Variants in MAN2B2 observed in about 807,000 individuals in gnomAD.
MAN2B2 encodes epididymis-specific alpha-mannosidase.
In MAN2B2, 106 loss-of-function variants were observed where a neutral mutation model predicts 117.1. The observed-to-expected ratio is 0.90, with a 90% CI of 0.77 to 1.06. MAN2B2 has a LOEUF of 1.06. Ranked by LOEUF, MAN2B2 falls within the 50% of genes least tolerant of loss-of-function variation. MAN2B2 has a pLI of 0.00. For synonymous variants in MAN2B2, 544 were observed against 595.1 expected, an observed-to-expected ratio of 0.91 and a Z score of 1.25; for missense variants, 1,326 against 1,381.4, an observed-to-expected ratio of 0.96 and a Z score of 0.64.
At position 6,594,699 on chromosome 4, in the gene MAN2B2, C is replaced by T. The variant is rs781115808; in HGVS notation, c.1024C>T (p.Arg342Cys). Residue 342 changes from arginine to cysteine, a missense_variant, in exon 7 of 19, where the codon CGC (arginine) becomes TGC (cysteine). Arg to Cys is a radical substitution (Grantham distance 180). Transcript: ENST00000285599. ...LHALNVTWRV[R>C]DHHDFLPYST... Reference sequence around the variant, plus strand: ...CGCTCTCAATGTCACCTGGCGTGTCCGCGACCACCACGACTTCCTGCCCTA... The same window carrying T: ...CGCTCTCAATGTCACCTGGCGTGTCTGCGACCACCACGACTTCCTGCCCTA... 33 of 1,612,184 alleles carry T rather than the reference C, an allele frequency of 2.0e-5. No homozygotes were observed. Among genetic ancestry groups the T allele is most frequent in the African/African-American group, 1.1e-4 (8 of 74,852 alleles).
intron 8 of MAN2B2, 67 bp downstream of exon 8, chr4:6,597,370 T>G: frequency 7.0e-7 from 1 of 1,436,220 alleles, no homozygotes; most frequent in Non-Finnish European, 9.3e-7. Flanking sequence ...CCCTCCCTTG[T>G]CCTAGCCAAT....
At chr4:6,597,406 C>T in intron 8 of MAN2B2, 103 bp downstream of exon 8, 1 of 1,237,564 alleles carries the variant, frequency 8.1e-7, no homozygotes, top group African/African-American at 1.6e-5. Flanking sequence ...GCACTAGAGG[C>T]CCCACTTTAC....
chr4:6,590,884 C>T (rs1281174593), intron 5 of MAN2B2, among the ~76,000 whole-genome samples: 1 of 152,106 alleles, frequency 6.6e-6, no homozygotes, highest in African/African-American at 2.4e-5. Flanking sequence ...CGCAGTGGCT[C>T]ACACCTGTAA....
At chr4:6,587,256 A>T in intron 4 of MAN2B2, 88 bp downstream of exon 4, 1 of 1,476,384 alleles carries the variant, frequency 6.8e-7, no homozygotes, top group Non-Finnish European at 9.1e-7. Flanking sequence ...CTGCTGCTCT[A>T]TGCCGAAGTG....
Position 6,608,901 on chromosome 4 carries a change from T to C in MAN2B2, c.1815-206T>C, listed in dbSNP as rs540855586. Among the ~76,000 whole-genome samples the C allele has an allele frequency of 2.9e-4, 44 of 152,310 alleles. 1 individual carries two copies. In the South Asian group the frequency reaches 8.3e-3, roughly 29 times the overall value. ...CTGCAGGCTCTGTCCGTCTCCTCGT[T>C]TGTGACCCATTCTGGGACAGCATGG... is the stretch of plus-strand genomic sequence containing the variant. On this transcript the variant is annotated intron_variant, in intron 11 of 18. Transcript: ENST00000285599.
rs1398688576 is a variant in MAN2B2, at chr4:6,611,129, T to C, written c.2414T>C (p.Leu805Pro). The C allele has an allele frequency of 1.2e-6, 2 of 1,613,878 alleles. No individual in the cohort carries two copies. Among genetic ancestry groups the C allele is most frequent in the Admixed American group, 3.3e-5 (2 of 60,014 alleles). Residue 805 changes from leucine to proline, a missense_variant, in exon 15 of 19, where the codon CTG becomes CCG. Leu to Pro is a moderately conservative substitution (Grantham distance 98). Coordinates refer to ENST00000285599, the MANE Select transcript of MAN2B2 (RefSeq NM_015274.3). ...RRLWNNFDWDLGYNLTLNDTS... is the reference protein window; with the variant it reads ...RRLWNNFDWDPGYNLTLNDTS... ...CTGTGGAACAACTTCGACTGGGACC[T>C]GGGCTACAACCTCACGCTGAACGAC...
intron 3 of MAN2B2, among the ~76,000 whole-genome samples, chr4:6,585,260 C>T (rs972837525): frequency 1.3e-5 from 2 of 152,174 alleles, no homozygotes; most frequent in Non-Finnish European, 2.9e-5. Flanking sequence ...CATCCCAGGC[C>T]TCATCTGAGG....
At position 6,593,257 on chromosome 4, in the gene MAN2B2, C is replaced by G; in HGVS notation, c.765C>G (p.Thr255=). Residue 255 remains threonine (T), a synonymous_variant, in exon 6 of 19, where the codon ACC becomes ACG. Transcript: ENST00000285599. The stretch of plus-strand genomic sequence containing the variant: ...ACCCCAACATGAGTGAGCCTGTCAC[C>G]CCAGCCAACATCAACCTCTATGCCG... The part of the protein sequence containing the change: ...GVYPNMSEPV[T]PANINLYAEA... 1 of 1,614,044 alleles carries G rather than the reference C, an allele frequency of 6.2e-7. No individual in the cohort carries two copies. The highest frequency in any genetic ancestry group is 1.1e-5 in the South Asian group (1 of 91,068).
At chr4:6,604,952 C>G in intron 10 of MAN2B2, 103 bp from the exon 11 acceptor site, 1 of 1,364,064 alleles carries the variant, frequency 7.3e-7, no homozygotes. Context: ...TCGGCAGGAT[C>G]CGAGAGATGG....
Position 6,609,661 on chromosome 4 carries a change from C to T in MAN2B2, c.2007-137C>T, listed in dbSNP as rs1185927989. On this transcript the variant is annotated intron_variant, in intron 12 of 18. Coordinates refer to ENST00000285599, the MANE Select transcript of MAN2B2 (RefSeq NM_015274.3). ...CGGGGTCCTGGGTGGTGCTATTGTCCACATGGCCCAAGAAGGCTCCCTGCC... is the reference window on the plus strand; with the variant it reads ...CGGGGTCCTGGGTGGTGCTATTGTCTACATGGCCCAAGAAGGCTCCCTGCC... 4.5e-6 allele frequency: 5 copies of T among 1,119,536 alleles called. No homozygotes were observed. In the East Asian group the frequency reaches 9.4e-5, roughly 21 times the overall value. 69.4% of individuals were successfully genotyped at this position (1,119,536 alleles called of 1,614,324 possible).
intron 8 of MAN2B2, among the ~76,000 whole-genome samples, 179 bp from the exon 9 acceptor site, chr4:6,598,019 C>A (rs769321417): frequency 6.6e-6 from 1 of 152,192 alleles, no homozygotes; most frequent in South Asian, 2.1e-4. Flanking sequence ...AAAAGTTGGG[C>A]GAGCTCCTCA....
rs538560593 is a variant in MAN2B2 at position 6,622,778 on chromosome 4, T to C, written c.*1493T>C. The C allele has an allele frequency of 2.0e-5, 3 of 148,606 alleles. No homozygotes were observed. The highest frequency in any genetic ancestry group is 2.1e-4 in the South Asian group (1 of 4,836). 9.2% of individuals were successfully genotyped at this position (148,606 alleles called of 1,614,324 possible). A position where few individuals can be genotyped will look rare whatever the true frequency, so the allele number is the denominator to read the frequency against. On this transcript the variant is annotated 3_prime_UTR_variant, in exon 19 of 19. Transcript: ENST00000285599. ...TAAACTGTAAGATGTAGGAAATTAT[T>C]TGGTACTCTAGGGCTGAAGGAAAGT... is the stretch of plus-strand genomic sequence containing the variant.
In MAN2B2 at chr4:6,612,656, GTCAGGT is replaced by G. The variant is rs137984265; in HGVS notation, c.2563+1381_2563+1386del. Among the ~76,000 whole-genome samples, 1,222 of 152,356 alleles carry G rather than the reference GTCAGGT, an allele frequency of 8.0e-3. 18 individuals are homozygous for G. Among genetic ancestry groups the G allele is most frequent in the African/African-American group, 0.028 (1,145 of 41,586 alleles). ...GAGGAAATCTGATTGGCCTAGCAGG[GTCAGGT>G]TCTGCTCCCAGACCAGTCAGTGGTT... On this transcript the variant is annotated intron_variant, in intron 15 of 18. Transcript: ENST00000285599.
chr4:6,599,594 C>A (rs28634980), intron 9 of MAN2B2, among the ~76,000 whole-genome samples: 4,874 of 147,448 alleles, frequency 0.033, 263 homozygotes, highest in African/African-American at 0.11. Flanking sequence ...ACCCAGGAGG[C>A]GGAGCTTGCA....
Position 6,605,231 on chromosome 4 carries a change from C to T in MAN2B2, c.1716C>T (p.Arg572=), listed in dbSNP as rs778353967. ...AATTTGGCCGCAGGCTGAGGAGACGCACCAGCCATGCGGGCAGGTACTTGG... is the reference window on the plus strand; with the variant it reads ...AATTTGGCCGCAGGCTGAGGAGACGTACCAGCCATGCGGGCAGGTACTTGG... ...TLQFGRRLRR[R]TSHAGRYLVP... is the part of the protein sequence containing the mutation. Residue 572 remains arginine, a synonymous_variant, in exon 11 of 19, where the codon CGC becomes CGT. Transcript: ENST00000285599. The T allele has an allele frequency of 1.9e-6, 3 of 1,614,218 alleles. No homozygotes were observed. The highest frequency in any genetic ancestry group is 2.2e-5 in the East Asian group (1 of 44,888).
In MAN2B2 at chr4:6,604,398, G is replaced by A. The variant is rs1577288556; in HGVS notation, c.1540-657G>A. 2.6e-5 allele frequency among the ~76,000 whole-genome samples: 4 copies of A among 151,702 alleles called. No homozygotes were observed. In the East Asian group the frequency reaches 7.8e-4, roughly 30 times the overall value. ...TGACCAGGCAGAGGCCACAGGGAAG[G>A]GAGATGAAAGGCCTCAAGAAGGCGG... is the stretch of plus-strand genomic sequence containing the variant. On this transcript the variant is annotated intron_variant, in intron 10 of 18. Transcript: ENST00000285599.
chr4:6,584,350 C>G (rs964460122), intron 3 of MAN2B2, among the ~76,000 whole-genome samples: 3 of 152,232 alleles, frequency 2.0e-5, no homozygotes, highest in African/African-American at 7.2e-5. Context: ...TAGCTCCAGC[C>G]ATCATGTTAC....
At chr4:6,599,899 C>G (rs1727257465) in intron 9 of MAN2B2, among the ~76,000 whole-genome samples, 1 of 152,252 alleles carries the variant, frequency 6.6e-6, no homozygotes, top group African/African-American at 2.4e-5. Flanking sequence ...GAGCTCTCAG[C>G]TGGGGTCTGG....
At position 6,575,197 on chromosome 4, in the gene MAN2B2, G is replaced by A; in HGVS notation, c.-14G>A. ...CCGGAAGTGGGCCTGGCACCTTCCC[G>A]GCCTGCCGCAGGGATGGGGCAGCTG... On this transcript the variant is annotated 5_prime_UTR_variant, in exon 1 of 19. Transcript: ENST00000285599. 3 of 1,404,608 alleles carry A rather than the reference G, an allele frequency of 2.1e-6. No homozygotes were observed. Among genetic ancestry groups the A allele is most frequent in the East Asian group, 2.6e-5 (1 of 38,298 alleles). The allele number at this position is 1,404,608 out of a possible 1,614,324, so 87.0% of individuals were successfully genotyped here. A position where few individuals can be genotyped will look rare whatever the true frequency, so the allele number is the denominator to read the frequency against.
Sources: gnomAD v4.1 joint callset for allele counts (sites outside exome capture counted in the v4.1 genomes callset) on GRCh38, gnomAD v4.1.1 for gene constraint, MANE v1.5 for transcripts, NCBI Gene and HGNC (gene_info 2026-07-23, HGNC 2026-07-21) for gene names.